DAB2IP: variants seen among roughly 807,000 people sequenced by gnomAD.
DAB2IP encodes the protein disabled homolog 2-interacting protein.
In DAB2IP, 28 loss-of-function variants were observed where a neutral mutation model predicts 107.2. The observed-to-expected ratio is 0.26, with a 90% CI of 0.19 to 0.36. The LOEUF (loss-of-function observed/expected upper bound fraction) is 0.36, where lower values mean the gene tolerates loss of function less well. DAB2IP is among the 10% of genes least tolerant of loss of function. The pLI is 1.00. For missense variants in DAB2IP, 1,400 were observed against 1,644.7 expected (o/e 0.85, Z 2.57); for synonymous variants, 755 against 706.4 (o/e 1.07, Z -1.09).
intron 1 of DAB2IP, among the ~76,000 whole-genome samples, chr9:121,568,731 T>C (rs1368072744): frequency 3.3e-5 from 5 of 152,080 alleles, no homozygotes; most frequent in Admixed American, 3.3e-4. Context: ...GATGCTCCCC[T>C]AGGGAGGGCA....
At chr9:121,727,633 C>T (rs1437475509) in intron 3 of DAB2IP, among the ~76,000 whole-genome samples, 1 of 152,206 alleles carries the variant, frequency 6.6e-6, no homozygotes, top group Non-Finnish European at 1.5e-5. Flanking sequence ...TCTGTGACCT[C>T]ATCTCTCTGA....
chr9:121,640,611 C>G (rs1832250615), intron 1 of DAB2IP, among the ~76,000 whole-genome samples: 1 of 152,132 alleles, frequency 6.6e-6, no homozygotes, highest in Non-Finnish European at 1.5e-5. Flanking sequence ...CAGAGGTCAG[C>G]CCCTCCCCAA....
At chr9:121,646,446 C>T (rs1832539158) in intron 1 of DAB2IP, among the ~76,000 whole-genome samples, 2 of 152,030 alleles carry the variant, frequency 1.3e-5, no homozygotes, top group Admixed American at 6.6e-5. Flanking sequence ...GACAGGCCAC[C>T]TCCTGGGGCA....
At chr9:121,759,254 G>A (rs920433215) in intron 5 of DAB2IP, among the ~76,000 whole-genome samples, 2 of 152,156 alleles carry the variant, frequency 1.3e-5, no homozygotes, top group Admixed American at 6.5e-5. Context: ...TGGACCCTGG[G>A]GTCCTTCTGC....
rs1554741681 is a variant in DAB2IP, at chr9:121,757,279, G to GGGGATAGTGGCCAGGC, written c.516+113_516+114insGGGATAGTGGCCAGGC. On this transcript the variant is annotated intron_variant, in intron 4 of 15. Coordinates refer to ENST00000408936, the Ensembl canonical transcript of DAB2IP. ...TGCTGTGGCCTCAGCAGGGGCCAGGGTCTTGGGGACAGTGGCTAGTAGTTA... is the reference window on the plus strand; with the variant it reads ...TGCTGTGGCCTCAGCAGGGGCCAGGGGGGATAGTGGCCAGGCTCTTGGGGACAGTGGCTAGTAGTTA... 862 of 1,403,222 alleles carry GGGGATAGTGGCCAGGC rather than the reference G, an allele frequency of 6.1e-4. 2 individuals carry two copies. The highest frequency in any genetic ancestry group is 3.2e-3 in the East Asian group (131 of 40,666). 86.9% of individuals were successfully genotyped at this position (1,403,222 alleles called of 1,614,324 possible).
intron 1 of DAB2IP, among the ~76,000 whole-genome samples, chr9:121,658,384 CCT>C (rs143557878): frequency 6.6e-6 from 1 of 152,306 alleles, no homozygotes; most frequent in East Asian, 1.9e-4. Context: ...CCCTCTGCCT[CCT>C]CTGTTTCCCT....
intron 1 of DAB2IP, among the ~76,000 whole-genome samples, chr9:121,656,904 G>T (rs919218251): frequency 6.6e-6 from 1 of 152,204 alleles, no homozygotes; most frequent in Non-Finnish European, 1.5e-5. Flanking sequence ...TGCGATATCC[G>T]TGGGCAGGCA....
Position 121,641,965 on chromosome 9 carries a change from TC to T in DAB2IP, c.41-36712del, listed in dbSNP as rs1564128443. 3.3e-3 allele frequency among the ~76,000 whole-genome samples: 444 copies of T among 135,730 alleles called. 3 individuals carry two copies. Among genetic ancestry groups the T allele is most frequent in the African/African-American group, 8.9e-3 (304 of 34,350 alleles). The allele number at this position is 135,730 out of a possible 152,430, so 89.0% of individuals were successfully genotyped here. On this transcript the variant is annotated intron_variant, in intron 1 of 16. Coordinates refer to the DAB2IP transcript ENST00000259371. ...TCTTTCTTTCCTTTCTTTCTTTCTC[TC>T]TCTCTCTTTCTTTCTTTCTTTCTTT...
At chr9:121,665,609 A>G (rs956744186) in intron 1 of DAB2IP, among the ~76,000 whole-genome samples, 3 of 152,306 alleles carry the variant, frequency 2.0e-5, no homozygotes, top group Middle Eastern at 3.4e-3. Flanking sequence ...AAAGGATAAC[A>G]TGTGTACAGA....
At chr9:121,586,920 A>T (rs1024412942) in intron 1 of DAB2IP, among the ~76,000 whole-genome samples, 1 of 152,184 alleles carries the variant, frequency 6.6e-6, no homozygotes, top group Admixed American at 6.5e-5. Flanking sequence ...CCAAGAAGCA[A>T]GTTAAACTGT....
chr9:121,580,299 C>T (rs973797107), intron 1 of DAB2IP, among the ~76,000 whole-genome samples: 16 of 152,182 alleles, frequency 1.1e-4, no homozygotes, highest in African/African-American at 3.6e-4. Context: ...GAGCTTAGAA[C>T]AGGCACTCAA....
intron 3 of DAB2IP, among the ~76,000 whole-genome samples, chr9:121,709,823 A>G (rs1401490942): frequency 6.6e-6 from 1 of 152,136 alleles, no homozygotes; most frequent in African/African-American, 2.4e-5. Flanking sequence ...AACTGGCCTT[A>G]GAGTATAAAA....
At position 121,678,789 on chromosome 9, in the gene DAB2IP, T is replaced by C; in HGVS notation, c.228+8T>C. 1.3e-6 allele frequency: 2 copies of C among 1,567,564 alleles called. No homozygotes were observed. The highest frequency in any genetic ancestry group is 1.7e-6 in the Non-Finnish European group (2 of 1,153,244). The stretch of plus-strand genomic sequence containing the variant: ...ACGCCGTTCCGGGTCACGGTAACTA[T>C]CTCTGCGTCACCAACACCGCCACTG... On this transcript the variant is annotated splice_region_variant and intron_variant, in intron 2 of 15. Coordinates refer to ENST00000408936, the Ensembl canonical transcript of DAB2IP.
At chr9:121,740,407 C>T (rs1446109975) in intron 3 of DAB2IP, among the ~76,000 whole-genome samples, 3 of 152,336 alleles carry the variant, frequency 2.0e-5, no homozygotes, top group Admixed American at 2.0e-4. Flanking sequence ...TTACACCAGT[C>T]TCTCTGGGTC....
At chr9:121,593,950 G>C (rs1466469011) in intron 1 of DAB2IP, among the ~76,000 whole-genome samples, 1 of 151,684 alleles carries the variant, frequency 6.6e-6, no homozygotes, top group Non-Finnish European at 1.5e-5. Context: ...TTACAGACGT[G>C]AGCCACCATG....
chr9:121,572,882 G>A (rs1301416621), intron 1 of DAB2IP, among the ~76,000 whole-genome samples: 6 of 152,112 alleles, frequency 3.9e-5, no homozygotes, highest in Admixed American at 6.6e-5. Context: ...CAAAAGCTCA[G>A]AACTTTCCAT....
At chr9:121,741,890 CAGAG>C (rs1007355314) in intron 3 of DAB2IP, among the ~76,000 whole-genome samples, 8 of 151,562 alleles carry the variant, frequency 5.3e-5, no homozygotes, top group East Asian at 1.9e-4. Context: ...GAGGAGGAAA[CAGAG>C]AGGCCTAGGG....
In DAB2IP at chr9:121,773,209, T is replaced by A. The variant is rs376519748; in HGVS notation, c.2681T>A (p.Met894Lys). Residue 894 changes from methionine to lysine, a missense_variant, in exon 12 of 16, where the codon ATG (methionine) becomes AAG (lysine). Physicochemically the swap from Met to Lys is moderately conservative, Grantham distance 95. Transcript: ENST00000408936. Reference sequence around the variant, plus strand: ...CCCGGTGAGCTGGCACGGCGACAGATGTCACTGACTGAAAAAGGCGGGCAG... The same window carrying A: ...CCCGGTGAGCTGGCACGGCGACAGAAGTCACTGACTGAAAAAGGCGGGCAG... The A allele has an allele frequency of 2.6e-5, 41 of 1,570,906 alleles. No individual in the cohort carries two copies. The highest frequency in any genetic ancestry group is 3.4e-5 in the Non-Finnish European group (40 of 1,159,478).
At chr9:121,737,482 G>A (rs1175642845) in intron 3 of DAB2IP, 108 of 985,328 alleles carry the variant, frequency 1.1e-4, no homozygotes, top group Non-Finnish European at 1.2e-4. Context: ...CGGCCCGGCC[G>A]AGAGGCCCCC....
Sources: allele counts gnomAD v4.1 joint callset (sites outside exome capture counted in the v4.1 genomes callset), GRCh38; gene constraint gnomAD v4.1.1; transcripts MANE v1.5; gene names NCBI Gene and HGNC (gene_info 2026-07-23, HGNC 2026-07-21).